APC: variants seen among roughly 807,000 people sequenced by gnomAD.
The protein encoded by APC is APC regulator of Wnt signaling pathway, also known as adenomatous polyposis coli protein.
APC carries 72 observed loss-of-function variants against 247.0 expected under a neutral mutation model. The ratio of observed to expected loss-of-function variants is 0.29; its 90% CI spans 0.24 to 0.35. The LOEUF is 0.35. APC is among the 10% of genes least tolerant of loss of function. The pLI is 1.00. For synonymous variants in APC, 1,254 were observed against 1,162.5 expected (o/e 1.08, Z -1.60); for missense variants, 3,400 against 3,360.7 (o/e 1.01, Z -0.29).
At chr5:112,734,922 C>T (rs1400514720), upstream of APC, among the ~76,000 whole-genome samples, 1 of 151,336 alleles carries the variant, frequency 6.6e-6, no homozygotes, top group Non-Finnish European at 1.5e-5. Context: ...TCCCAAGTAG[C>T]TGGGGAATGT....
intron 1 of APC, among the ~76,000 whole-genome samples, chr5:112,727,556 T>C (rs1265662927): frequency 3.3e-5 from 5 of 152,206 alleles, no homozygotes; most frequent in Non-Finnish European, 7.3e-5. Context: ...ATTTTTCTTA[T>C]CAATTATGAT....
intron 5 of APC, among the ~76,000 whole-genome samples, chr5:112,778,770 C>G (rs148925120): frequency 2.0e-5 from 3 of 152,200 alleles, no homozygotes; most frequent in Non-Finnish European, 4.4e-5. Flanking sequence ...TTCTTGATAT[C>G]CTGACCTCGT....
chr5:112,736,512 A>G (rs533082279), upstream of APC, among the ~76,000 whole-genome samples: 9 of 152,322 alleles, frequency 5.9e-5, no homozygotes, highest in Non-Finnish European at 1.2e-4. Flanking sequence ...CTTTTCTAAT[A>G]TATACATTTT....
In APC at chr5:112,840,846, A is replaced by T. The variant is rs1765897206; in HGVS notation, c.5252A>T (p.Gln1751Leu). ...FRVKKIMDQV[Q>L]QASASSSAPN... ...GTGAAAAAGATAATGGACCAGGTCC[A>T]GCAAGCATCTGCGTCTTCTTCTGCA... The change falls in exon 16 of 16, where the codon CAG becomes CTG. Residue 1751 changes from glutamine to leucine, a missense_variant. Around this residue, in one of 9 missense-constraint regions of APC, gnomAD observed 1,788 missense variants for 1,649.5 expected, o/e 1.08. Coordinates refer to ENST00000257430, the MANE Select transcript of APC (RefSeq NM_000038.6). This position sits in a 1 kb window ranked among gnomAD's most constrained non-coding sequence, Gnocchi z 4.1. 6.2e-7 allele frequency: 1 copy of T among 1,614,150 alleles called. No individual in the cohort carries two copies. Among genetic ancestry groups the T allele is most frequent in the East Asian group, 2.2e-5 (1 of 44,880 alleles).
chr5:112,783,094 G>A (rs17359859), intron 6 of APC, among the ~76,000 whole-genome samples: 1,644 of 152,208 alleles, frequency 0.011, 24 homozygotes, highest in Non-Finnish European at 0.013. Context: ...GTTAATGTGA[G>A]CTTTTTTTTA....
intron 1 of APC, among the ~76,000 whole-genome samples, chr5:112,744,616 C>T (rs561180645): frequency 7.2e-5 from 11 of 151,774 alleles, no homozygotes; most frequent in South Asian, 2.1e-4. Flanking sequence ...CTGAGCTGGG[C>T]CTTAAAGGAT....
intron 11 of APC, among the ~76,000 whole-genome samples, chr5:112,823,847 CA>C (rs1561548784): frequency 6.6e-6 from 1 of 152,134 alleles, no homozygotes; most frequent in African/African-American, 2.4e-5. Flanking sequence ...AGGCACTCGT[CA>C]AACTGGATTT....
Position 112,844,728 on chromosome 5 carries a change from C to G in APC, c.*602C>G, listed in dbSNP as rs1204866723. 1 of 231,808 alleles carries G rather than the reference C, an allele frequency of 4.3e-6. No homozygotes were observed. The highest frequency in any genetic ancestry group is 8.5e-6 in the Non-Finnish European group (1 of 117,156). The allele number at this position is 231,808 out of a possible 1,614,324, so 14.4% of individuals were successfully genotyped here. ...GGTCACATGATGTGCATAGAGATAG[C>G]TACAGTGTAATAATTTACACTATTT... On this transcript the variant is annotated 3_prime_UTR_variant, in exon 16 of 16. Coordinates refer to ENST00000257430, the MANE Select transcript of APC (RefSeq NM_000038.6).
rs749189074 is a variant in APC at position 112,838,906 on chromosome 5, A to C, written c.3312A>C (p.Ser1104=). The change falls in exon 16 of 16, where the codon TCA becomes TCC. Residue 1104 remains serine, a synonymous_variant. Transcript: ENST00000257430. ...GQQECVSPYR[S]RGANGSETNR... ...AGGAATGTGTTTCTCCATACAGGTCACGGGGAGCCAATGGTTCAGAAACAA... is the reference window on the plus strand; with the variant it reads ...AGGAATGTGTTTCTCCATACAGGTCCCGGGGAGCCAATGGTTCAGAAACAA... 4 of 1,614,168 alleles carry C rather than the reference A, an allele frequency of 2.5e-6. No homozygotes were observed. In the South Asian group the frequency reaches 4.4e-5, roughly 18 times the overall value.
intron 8 of APC, among the ~76,000 whole-genome samples, chr5:112,802,156 A>G (rs1193686753): frequency 1.3e-5 from 2 of 152,140 alleles, no homozygotes; most frequent in Non-Finnish European, 2.9e-5. Flanking sequence ...GTTGATACAG[A>G]AAATTTTCTT....
intron 5 of APC, among the ~76,000 whole-genome samples, chr5:112,780,409 A>G (rs976778724): frequency 2.0e-5 from 3 of 152,270 alleles, no homozygotes; most frequent in African/African-American, 2.4e-5. Context: ...TGATATTTCT[A>G]TGTTGTCCAC....
chr5:112,788,675 C>T (rs534632254), intron 6 of APC, among the ~76,000 whole-genome samples: 148 of 152,234 alleles, frequency 9.7e-4, no homozygotes, highest in African/African-American at 3.4e-3. Flanking sequence ...AAATTCTTCA[C>T]AGGGGTCTTA....
upstream of APC, chr5:112,737,830 G>T: frequency 2.0e-6 from 2 of 985,598 alleles, no homozygotes; most frequent in Non-Finnish European, 2.4e-6. Flanking sequence ...GATTGGCTGG[G>T]TGTGGGCGCA....
In APC at chr5:112,844,083, G is replaced by T. The variant is rs1393740164; in HGVS notation, c.8489G>T (p.Ser2830Ile). ...AGCACAGAATCCAGTGGAACCCAAA[G>T]TCCTAAGCGCCATTCTGGGTCTTAC... is the stretch of plus-strand genomic sequence containing the variant. Reference protein sequence around the residue: ...TDSTESSGTQSPKRHSGSYLV... With the variant: ...TDSTESSGTQIPKRHSGSYLV... The change falls in exon 16 of 16, where the codon AGT (serine) becomes ATT (isoleucine). Residue 2830 changes from serine to isoleucine, a missense_variant. Around this residue, in one of 9 missense-constraint regions of APC, gnomAD observed 1,788 missense variants for 1,649.5 expected, o/e 1.08. Coordinates refer to ENST00000257430, the MANE Select transcript of APC (RefSeq NM_000038.6). 6.2e-7 allele frequency: 1 copy of T among 1,610,726 alleles called. No homozygotes were observed. Among genetic ancestry groups the T allele is most frequent in the Non-Finnish European group, 8.5e-7 (1 of 1,179,278 alleles).
At chr5:112,811,023 T>TCA (rs66911377) in intron 8 of APC, among the ~76,000 whole-genome samples, 3 of 151,454 alleles carry the variant, frequency 2.0e-5, no homozygotes, top group Non-Finnish European at 4.4e-5. Context: ...AAACTCCATC[T>TCA]CACACACACA....
chr5:112,814,820 C>T (rs1029609504), intron 8 of APC, among the ~76,000 whole-genome samples: 5 of 152,192 alleles, frequency 3.3e-5, no homozygotes, highest in African/African-American at 1.2e-4. Flanking sequence ...GTCCACATTA[C>T]ATTGGAACAC....
rs56194248 is a variant in APC at position 112,827,394 on chromosome 5, T to G, written c.1548+147T>G. 3 of 930,644 alleles carry G rather than the reference T, an allele frequency of 3.2e-6. No homozygotes were observed. In the East Asian group the frequency reaches 7.9e-5, roughly 24 times the overall value. 57.6% of individuals were successfully genotyped at this position (930,644 alleles called of 1,614,324 possible). On this transcript the variant is annotated intron_variant, in intron 12 of 15. Transcript: ENST00000257430. The stretch of plus-strand genomic sequence containing the variant: ...AACCTGTGCTTCACATTCGCTTATC[T>G]TTACTCATTTGTTTGTCTTATGCCT...
intron 1 of APC, among the ~76,000 whole-genome samples, chr5:112,750,488 A>T (rs77377561): frequency 2.1e-5 from 3 of 146,270 alleles, no homozygotes; most frequent in African/African-American, 2.6e-5. Flanking sequence ...CCTGTTTTTT[A>T]TGTTTGTTTG....
chr5:112,778,950 G>A (rs1758025762), intron 5 of APC, among the ~76,000 whole-genome samples: 1 of 152,098 alleles, frequency 6.6e-6, no homozygotes, highest in African/African-American at 2.4e-5. Context: ...TAGACAAAAA[G>A]GTAAAAACTG....
Sources: allele counts gnomAD v4.1 joint callset (sites outside exome capture counted in the v4.1 genomes callset), GRCh38; gene constraint gnomAD v4.1.1; regional missense constraint gnomAD v4.1.1; non-coding constraint Gnocchi (gnomAD v3.1); transcripts MANE v1.5; gene names NCBI Gene and HGNC (gene_info 2026-07-23, HGNC 2026-07-21).